SLC22A9: variants seen among roughly 807,000 people sequenced by gnomAD.
The protein encoded by SLC22A9 is organic anion transporter 7.
Under a neutral mutation model 50.1 loss-of-function variants are expected in SLC22A9, and 64 were observed. The ratio of observed to expected loss-of-function variants is 1.28; its 90% confidence interval spans 1.04 to 1.57. The LOEUF is 1.57. Ranked by LOEUF, SLC22A9 falls within the 40% of genes most tolerant of loss-of-function variation. The pLI is 0.00. For synonymous variants in SLC22A9, 261 were observed against 242.5 expected (o/e 1.08, Z -0.71); for missense variants, 757 against 676.1 (o/e 1.12, Z -1.33).
intron 9 of SLC22A9, 27 bp downstream of exon 9, chr11:63,408,906 A>G (rs758038987): frequency 6.2e-7 from 1 of 1,611,086 alleles, no homozygotes. Flanking sequence ...GTTGCCCCTC[A>G]GAGGATCTGT....
chr11:63,408,054 G>T, intron 7 of SLC22A9, 58 bp from the exon 8 acceptor site: 2 of 1,387,110 alleles, frequency 1.4e-6, no homozygotes, highest in South Asian at 1.2e-5. Context: ...TTCTACCTTG[G>T]GGATGCTGAT....
chr11:63,388,954 A>T (rs1219886073), intron 6 of SLC22A9, among the ~76,000 whole-genome samples: 1 of 152,102 alleles, frequency 6.6e-6, no homozygotes, highest in African/African-American at 2.4e-5. Flanking sequence ...TTTCAAACTT[A>T]TTGGCATATA....
chr11:63,373,846 T>C (rs760973695), intron 3 of SLC22A9, 48 bp downstream of exon 3: 19 of 1,604,902 alleles, frequency 1.2e-5, no homozygotes, highest in Non-Finnish European at 1.5e-5. Context: ...GACTTTGAAA[T>C]TGAAACTCCA....
intron 6 of SLC22A9, among the ~76,000 whole-genome samples, chr11:63,400,934 AT>A (rs1345713817): frequency 4.6e-5 from 7 of 152,258 alleles, no homozygotes; most frequent in Admixed American, 1.3e-4. Flanking sequence ...CCAAAAGCAT[AT>A]GATAAAATTC....
At position 63,383,903 on chromosome 11, in the gene SLC22A9, G is replaced by A. The variant is rs147488961; in HGVS notation, c.1073+1626G>A. On this transcript the variant is annotated intron_variant, in intron 6 of 9. Coordinates refer to ENST00000279178, the MANE Select transcript of SLC22A9 (RefSeq NM_080866.3). ...GTCTCTACTAAAAATACAAAAATTAGTTGGGCGTGGTGGTGCACGCCTGTA... is the reference window on the plus strand; with the variant it reads ...GTCTCTACTAAAAATACAAAAATTAATTGGGCGTGGTGGTGCACGCCTGTA... Among the ~76,000 whole-genome samples, 892 of 152,168 alleles carry A rather than the reference G, an allele frequency of 5.9e-3. 11 individuals are homozygous for A. Among genetic ancestry groups the A allele is most frequent in the African/African-American group, 0.02 (850 of 41,514 alleles).
At position 63,370,270 on chromosome 11, in the gene SLC22A9, C is replaced by T. The variant is rs764932681; in HGVS notation, c.214C>T (p.Leu72Phe). 45 of 1,613,940 alleles carry T rather than the reference C, an allele frequency of 2.8e-5. No homozygotes were observed. Among genetic ancestry groups the T allele is most frequent in the Non-Finnish European group, 3.5e-5 (41 of 1,179,924 alleles). The change falls in exon 1 of 10, where the codon CTC (leucine) becomes TTC (phenylalanine). Residue 72 changes from leucine to phenylalanine, a missense_variant. Leu to Phe is a conservative substitution (Grantham distance 22). Transcript: ENST00000279178. Reference sequence around the variant, plus strand: ...CACTGGGGCCCTCAGCCAAGATGCACTCTTGAGAATCTCCATCCCACTGGA... The same window carrying T: ...CACTGGGGCCCTCAGCCAAGATGCATTCTTGAGAATCTCCATCCCACTGGA... Reference protein sequence around the residue: ...NDTGALSQDALLRISIPLDSN... With the variant: ...NDTGALSQDAFLRISIPLDSN...
At chr11:63,383,638 CA>C (rs151133901) in intron 6 of SLC22A9, among the ~76,000 whole-genome samples, 206 of 152,174 alleles carry the variant, frequency 1.4e-3, no homozygotes, top group African/African-American at 4.8e-3. Flanking sequence ...AACAGAGAAA[CA>C]TGACTCAAAA....
chr11:63,376,698 T>G (rs1484896067), intron 5 of SLC22A9, among the ~76,000 whole-genome samples: 1 of 151,996 alleles, frequency 6.6e-6, no homozygotes, highest in Non-Finnish European at 1.5e-5. Context: ...TTAATATCCT[T>G]ACATATTAAT....
Position 63,375,672 on chromosome 11 carries a change from C to T in SLC22A9, c.858C>T (p.Leu286=). ...SSWLLESARW[L]IINNKPEEGL... is the part of the protein sequence containing the mutation. ...GGCTGCTAGAGTCTGCTCGGTGGCT[C>T]ATTATCAACAATAAACCAGAGGAAG... The change falls in exon 5 of 10, where the codon CTC becomes CTT. Residue 286 remains leucine (L), a synonymous_variant. Transcript: ENST00000279178. 6.2e-7 allele frequency: 1 copy of T among 1,612,430 alleles called. No homozygotes were observed. Among genetic ancestry groups the T allele is most frequent in the African/African-American group, 1.3e-5 (1 of 74,910 alleles).
Position 63,385,355 on chromosome 11 carries a change from T to C in SLC22A9, c.1073+3078T>C, listed in dbSNP as rs145292045. 5.8e-3 allele frequency among the ~76,000 whole-genome samples: 884 copies of C among 152,232 alleles called. 7 individuals are homozygous for C. Among genetic ancestry groups the C allele is most frequent in the African/African-American group, 0.02 (836 of 41,544 alleles). On this transcript the variant is annotated intron_variant, in intron 6 of 9. Transcript: ENST00000279178. The stretch of plus-strand genomic sequence containing the variant: ...AATGTCAATGGTAGTTTAATGGAAA[T>C]AGTATTGAATCTATAAATTGCTTTG...
intron 6 of SLC22A9, among the ~76,000 whole-genome samples, chr11:63,396,450 G>A (rs781199120): frequency 3.3e-5 from 5 of 152,160 alleles, no homozygotes; most frequent in Non-Finnish European, 5.9e-5. Flanking sequence ...TTCCTGCAAA[G>A]TAGACCTTCA....
At chr11:63,377,444 C>A (rs990569063) in intron 5 of SLC22A9, among the ~76,000 whole-genome samples, 4 of 152,184 alleles carry the variant, frequency 2.6e-5, no homozygotes, top group African/African-American at 7.2e-5. Context: ...ACAACCTTCT[C>A]TTGAATGACT....
At chr11:63,402,375 C>T (rs1175679459) in intron 6 of SLC22A9, among the ~76,000 whole-genome samples, 1 of 152,032 alleles carries the variant, frequency 6.6e-6, no homozygotes, top group Non-Finnish European at 1.5e-5. Flanking sequence ...GGAGTCTTTC[C>T]CCATTGCTTG....
At chr11:63,371,009 AG>A (rs1555012257) in intron 1 of SLC22A9, 125 bp from the exon 2 acceptor site, 4 of 645,316 alleles carry the variant, frequency 6.2e-6, no homozygotes, top group African/African-American at 1.8e-5. Context: ...GGTAATGCTG[AG>A]AAAGGAAGCC....
chr11:63,374,015 C>T lies in SLC22A9; in HGVS notation c.783C>T (p.Leu261=). ...LAFAIRDWHI[L]QLVVSVPYFV... ...TTGCCATTCGAGACTGGCATATCCT[C>T]CAGCTGGTGGTGTCTGTACCATACT... The change falls in exon 4 of 10, where the codon CTC becomes CTT. Residue 261 remains leucine (L), a synonymous_variant. Transcript: ENST00000279178. 1.9e-6 allele frequency: 3 copies of T among 1,613,508 alleles called. No individual in the cohort carries two copies. The highest frequency in any genetic ancestry group is 2.5e-6 in the Non-Finnish European group (3 of 1,179,718).
At position 63,382,170 on chromosome 11, in the gene SLC22A9, C is replaced by A; in HGVS notation, c.966C>A (p.Ser322=). The A allele has an allele frequency of 6.2e-7, 1 of 1,603,008 alleles. No homozygotes were observed. Among genetic ancestry groups the A allele is most frequent in the South Asian group, 1.1e-5 (1 of 88,446 alleles). ...RDTLTLEILK[S]TMKKELEAAQ... ...TGCTATTGTTGAAGATTTTGAAATC[C>A]ACCATGAAAAAAGAACTGGAGGCAG... The change falls in exon 6 of 10, where the codon TCC becomes TCA. Residue 322 remains serine, a synonymous_variant. Transcript: ENST00000279178.
chr11:63,403,264 G>A (rs7925182), intron 6 of SLC22A9, among the ~76,000 whole-genome samples: 35,059 of 151,988 alleles, frequency 0.23, 4,708 homozygotes, highest in East Asian at 0.68. Context: ...TCCATAAGAC[G>A]ATTGGGGGAT....
chr11:63,380,545 G>A (rs2014542239), intron 5 of SLC22A9, among the ~76,000 whole-genome samples: 1 of 152,188 alleles, frequency 6.6e-6, no homozygotes, highest in African/African-American at 2.4e-5. Context: ...CATGGATAGA[G>A]ATGGAGTTCA....
intron 2 of SLC22A9, among the ~76,000 whole-genome samples, chr11:63,372,538 G>A (rs901632490): frequency 2.6e-5 from 4 of 152,090 alleles, no homozygotes; most frequent in African/African-American, 9.7e-5. Flanking sequence ...ACATTATGAT[G>A]TGAGAAAAGG....
Sources: gnomAD v4.1 joint callset for allele counts (sites outside exome capture counted in the v4.1 genomes callset) on GRCh38, gnomAD v4.1.1 for gene constraint, MANE v1.5 for transcripts, NCBI Gene and HGNC (gene_info 2026-07-23, HGNC 2026-07-21) for gene names.